PTPRN2: variants seen among roughly 807,000 people sequenced by gnomAD.
PTPRN2 encodes protein tyrosine phosphatase receptor type N2.
A neutral mutation model predicts 118.8 loss-of-function variants in PTPRN2; 74 were observed. That is an observed-to-expected ratio of 0.62 (90% CI 0.52 to 0.76). The LOEUF is 0.76. Ranked by LOEUF, PTPRN2 falls within the 30% of genes least tolerant of loss-of-function variation. PTPRN2 has a pLI of 0.00. For synonymous variants in PTPRN2, 641 were observed against 608.0 expected (o/e 1.05, Z -0.80); for missense variants, 1,481 against 1,394.4 (o/e 1.06, Z -0.99).
intron 22 of PTPRN2, among the ~76,000 whole-genome samples, chr7:157,545,121 G>T (rs993197736): frequency 3.9e-4 from 58 of 149,166 alleles, no homozygotes; most frequent in African/African-American, 1.4e-3. Flanking sequence ...GGTGTGTGTG[G>T]GGTGTATGCA....
chr7:157,700,145 C>T (rs1797995613), intron 12 of PTPRN2, among the ~76,000 whole-genome samples: 1 of 152,214 alleles, frequency 6.6e-6, no homozygotes, highest in Admixed American at 6.5e-5. Flanking sequence ...GTTTTCTAAG[C>T]TTTTTCACTT....
Position 157,966,263 on chromosome 7 carries a change from T to G in PTPRN2, c.1724-67526A>C, listed in dbSNP as rs150780612. Reference sequence around the variant, plus strand: ...TGAAAGAAAAGGCTTCCTGTTTTGTTTCCTGAGACTCCTCTTTCTCCTTCA... The same window carrying G: ...TGAAAGAAAAGGCTTCCTGTTTTGTGTCCTGAGACTCCTCTTTCTCCTTCA... On this transcript the variant is annotated intron_variant, in intron 11 of 22. Coordinates refer to ENST00000389418, the MANE Select transcript of PTPRN2 (RefSeq NM_002847.5). Among the ~76,000 whole-genome samples, 519 of 152,272 alleles carry G rather than the reference T, an allele frequency of 3.4e-3. 3 individuals are homozygous for G. The highest frequency in any genetic ancestry group is 0.012 in the African/African-American group (495 of 41,548).
intron 14 of PTPRN2, among the ~76,000 whole-genome samples, chr7:157,641,242 AG>A (rs1804643929): frequency 1.3e-5 from 2 of 152,222 alleles, no homozygotes; most frequent in South Asian, 2.1e-4. Flanking sequence ...GAACTAGCCA[AG>A]GGGGAGAGAG....
chr7:157,758,944 G>A (rs1400296041), intron 12 of PTPRN2, among the ~76,000 whole-genome samples: 1 of 152,234 alleles, frequency 6.6e-6, no homozygotes, highest in African/African-American at 2.4e-5. Flanking sequence ...TCAGGCCATT[G>A]CTCAACTGGA....
At chr7:158,461,176 T>C (rs1818955001) in intron 2 of PTPRN2, among the ~76,000 whole-genome samples, 1 of 152,192 alleles carries the variant, frequency 6.6e-6, no homozygotes. Flanking sequence ...TTTCATTTTT[T>C]TCTTGGTTCT....
intron 11 of PTPRN2, among the ~76,000 whole-genome samples, chr7:157,981,884 G>A (rs562679662): frequency 2.6e-5 from 4 of 152,390 alleles, no homozygotes; most frequent in Non-Finnish European, 5.9e-5. Context: ...CTTACGCCAG[G>A]TGCCACCTGG....
chr7:157,612,550 C>T (rs775533750), intron 15 of PTPRN2, among the ~76,000 whole-genome samples: 1 of 152,206 alleles, frequency 6.6e-6, no homozygotes, highest in Admixed American at 6.5e-5. Flanking sequence ...CTGAGATTAA[C>T]GCCCGTTTTG....
chr7:158,424,638 GAGACGCCCGC>G (rs1815547421), intron 2 of PTPRN2, among the ~76,000 whole-genome samples: 3 of 152,270 alleles, frequency 2.0e-5, no homozygotes, highest in Admixed American at 2.0e-4. Flanking sequence ...ACCGGGGACT[GAGACGCCCGC>G]AGAGCGCGGC....
At chr7:158,133,454 C>T (rs957337495) in intron 9 of PTPRN2, among the ~76,000 whole-genome samples, 6 of 152,248 alleles carry the variant, frequency 3.9e-5, no homozygotes, top group African/African-American at 1.4e-4. Flanking sequence ...CAGAGAACGG[C>T]TCTCCAGCTC....
rs1006319365 is a variant in PTPRN2 at position 158,410,001 on chromosome 7, G to A, written c.163+79734C>T. Among the ~76,000 whole-genome samples, 6 of 152,336 alleles carry A rather than the reference G, an allele frequency of 3.9e-5. No individual in the cohort carries two copies. In the East Asian group the frequency reaches 5.8e-4, roughly 15 times the overall value. ...CCACAGCCCCAGCTGCCTGAGGTTC[G>A]CTGAACAGCCTGGGTGGCTCCGAGG... On this transcript the variant is annotated intron_variant, in intron 2 of 22. Coordinates refer to ENST00000389418, the MANE Select transcript of PTPRN2 (RefSeq NM_002847.5).
chr7:157,693,841 T>G (rs1377647255), intron 12 of PTPRN2, among the ~76,000 whole-genome samples: 1 of 152,048 alleles, frequency 6.6e-6, no homozygotes, highest in Non-Finnish European at 1.5e-5. Context: ...GGCCGGGAGC[T>G]CTCCGAGGTG....
chr7:158,129,879 C>T (rs1271937058), intron 9 of PTPRN2, among the ~76,000 whole-genome samples: 1 of 152,132 alleles, frequency 6.6e-6, no homozygotes, highest in East Asian at 1.9e-4. Flanking sequence ...AGAGCAAGGG[C>T]ACAGACAGAC....
At chr7:158,441,073 T>C (rs1817059406) in intron 2 of PTPRN2, among the ~76,000 whole-genome samples, 1 of 139,942 alleles carries the variant, frequency 7.1e-6, no homozygotes, top group South Asian at 2.2e-4. Flanking sequence ...GTGGTAGTGA[T>C]GGTGGTGCTG....
At chr7:157,541,801 A>C (rs221256) in intron 22 of PTPRN2, among the ~76,000 whole-genome samples, 72,214 of 152,116 alleles carry the variant, frequency 0.47, 17,405 homozygotes, top group South Asian at 0.64. Context: ...TGCATAACAG[A>C]AAGATGGAAA....
chr7:157,958,122 C>T (rs908107019), intron 11 of PTPRN2, among the ~76,000 whole-genome samples: 3 of 152,094 alleles, frequency 2.0e-5, no homozygotes, highest in Non-Finnish European at 4.4e-5. Flanking sequence ...GCAATACACC[C>T]CACTAACAGA....
At chr7:158,395,743 GGCGAGGGGTGAGGC>G (rs1177897934) in intron 2 of PTPRN2, among the ~76,000 whole-genome samples, 1 of 27,000 alleles carries the variant, frequency 3.7e-5, no homozygotes, top group African/African-American at 1.6e-4. Context: ...AGGGGAGAGG[GGCGAGGGGTGAGGC>G]GCGAGGGGCG....
rs1827482838 is a variant in PTPRN2, at chr7:158,563,083, A to G, written c.112+24475T>C. Among the ~76,000 whole-genome samples, 1 of 152,180 alleles carries G rather than the reference A, an allele frequency of 6.6e-6. No individual in the cohort carries two copies. Among genetic ancestry groups the G allele is most frequent in the Non-Finnish European group, 1.5e-5 (1 of 68,016 alleles). On this transcript the variant is annotated intron_variant, in intron 1 of 22. Coordinates refer to ENST00000389418, the MANE Select transcript of PTPRN2 (RefSeq NM_002847.5). The surrounding 1 kb of genome is among the most constrained non-coding windows in gnomAD (Gnocchi z 5.1). ...CAACCACGGCCACAGCCTCGTCCAC[A>G]TAGAGCCTCTCGAAGCCTTGCACGG...
Position 157,874,739 on chromosome 7 carries a change from A to G in PTPRN2, c.1788+23934T>C, listed in dbSNP as rs1044246875. On this transcript the variant is annotated intron_variant, in intron 12 of 22. Transcript: ENST00000389418. The surrounding 1 kb of genome is among the most constrained non-coding windows in gnomAD (Gnocchi z 5.8). ...TGCACACACACACAGAGACACACTC[A>G]TGCACATACACAGACACACACTCAT... Among the ~76,000 whole-genome samples, 2 of 151,724 alleles carry G rather than the reference A, an allele frequency of 1.3e-5. No individual in the cohort carries two copies. Among genetic ancestry groups the G allele is most frequent in the African/African-American group, 4.9e-5 (2 of 41,210 alleles).
At chr7:158,244,009 C>T (rs1035980131) in intron 3 of PTPRN2, among the ~76,000 whole-genome samples, 2 of 152,316 alleles carry the variant, frequency 1.3e-5, no homozygotes, top group East Asian at 1.9e-4. Flanking sequence ...AAGCAACAGT[C>T]TCTACTTAGT....
Sources: gnomAD v4.1 joint callset for allele counts (sites outside exome capture counted in the v4.1 genomes callset) on GRCh38, gnomAD v4.1.1 for gene constraint, Gnocchi (gnomAD v3.1) non-coding constraint, MANE v1.5 for transcripts, NCBI Gene and HGNC (gene_info 2026-07-23, HGNC 2026-07-21) for gene names.